The following KDM4C variants were observed in gnomAD, a reference collection of about 807,000 sequenced individuals.
The protein encoded by KDM4C is lysine-specific demethylase 4C.
Under a neutral mutation model 129.3 loss-of-function variants are expected in KDM4C, and 81 were observed. That is an observed-to-expected ratio of 0.63 (90% CI 0.52 to 0.75). KDM4C has a LOEUF of 0.75. KDM4C is among the 30% of genes least tolerant of loss of function. KDM4C has a pLI of 0.00. For synonymous variants in KDM4C, 573 were observed against 456.1 expected (o/e 1.26, Z -3.26); for missense variants, 1,457 against 1,304.0 (o/e 1.12, Z -1.81).
intron 8 of KDM4C, among the ~76,000 whole-genome samples, chr9:6,933,373 C>G (rs928273940): frequency 2.0e-5 from 3 of 152,170 alleles, no homozygotes; most frequent in African/African-American, 4.8e-5. Flanking sequence ...TAGCTATCTA[C>G]TACATGCACT....
At chr9:6,829,849 C>T (rs1466769341) in intron 4 of KDM4C, among the ~76,000 whole-genome samples, 1 of 152,152 alleles carries the variant, frequency 6.6e-6, no homozygotes, top group Non-Finnish European at 1.5e-5. Flanking sequence ...TTTGGGCCTG[C>T]TGTTTTCCAT....
At chr9:6,856,530 C>T (rs894689403) in intron 5 of KDM4C, among the ~76,000 whole-genome samples, 3 of 139,914 alleles carry the variant, frequency 2.1e-5, no homozygotes, top group African/African-American at 8.3e-5. Flanking sequence ...GCATATCTCT[C>T]TCTGTGTGCG....
intron 15 of KDM4C, among the ~76,000 whole-genome samples, chr9:7,017,736 A>T (rs1385294099): frequency 3.3e-5 from 5 of 152,176 alleles, no homozygotes; most frequent in African/African-American, 1.2e-4. Flanking sequence ...CATTTACTTT[A>T]TTCCTCAATG....
Position 7,096,121 on chromosome 9 carries a change from T to G in KDM4C, c.2425-7564T>G, listed in dbSNP as rs962563611. Among the ~76,000 whole-genome samples, 58 of 152,168 alleles carry G rather than the reference T, an allele frequency of 3.8e-4. 1 individual carries two copies. The highest frequency in any genetic ancestry group is 6.2e-4 in the Non-Finnish European group (42 of 68,026). Reference sequence around the variant, plus strand: ...TGTGTGCCCCTTTTGCCCTTTAAATTTGAAATAAAGGATGGAACCCAAACA... The same window carrying G: ...TGTGTGCCCCTTTTGCCCTTTAAATGTGAAATAAAGGATGGAACCCAAACA... On this transcript the variant is annotated intron_variant, in intron 17 of 21. Coordinates refer to ENST00000381309, the MANE Select transcript of KDM4C (RefSeq NM_015061.6).
At chr9:6,744,358 T>C (rs1817807233) in intron 1 of KDM4C, among the ~76,000 whole-genome samples, 1 of 152,068 alleles carries the variant, frequency 6.6e-6, no homozygotes, top group Non-Finnish European at 1.5e-5. Context: ...ACCGCATCTC[T>C]ACTAAAAACT....
chr9:7,031,742 T>A (rs1826823911), intron 15 of KDM4C, among the ~76,000 whole-genome samples: 1 of 152,196 alleles, frequency 6.6e-6, no homozygotes, highest in African/African-American at 2.4e-5. Context: ...GGCATCTGCA[T>A]ATTAAGTAAT....
intron 17 of KDM4C, among the ~76,000 whole-genome samples, chr9:7,073,511 T>A (rs537771829): frequency 3.3e-5 from 5 of 152,228 alleles, no homozygotes; most frequent in Admixed American, 6.5e-5. Flanking sequence ...CTTCCCGATA[T>A]TCTCAGAGGC....
intron 19 of KDM4C, among the ~76,000 whole-genome samples, chr9:7,159,471 G>A (rs184285336): frequency 2.5e-3 from 379 of 152,262 alleles, no homozygotes; most frequent in African/African-American, 8.3e-3. Context: ...GGCTGCTACC[G>A]GTTGTTTCTT....
chr9:6,881,937 A>C (rs1182330346), intron 6 of KDM4C, among the ~76,000 whole-genome samples: 1 of 152,250 alleles, frequency 6.6e-6, no homozygotes, highest in African/African-American at 2.4e-5. Flanking sequence ...CTTGATTCAT[A>C]AAATGAAAAG....
chr9:6,845,978 G>T (rs1442198205), intron 4 of KDM4C, among the ~76,000 whole-genome samples: 1 of 152,224 alleles, frequency 6.6e-6, no homozygotes, highest in African/African-American at 2.4e-5. Context: ...TGTAGCTGGG[G>T]TTTGGAGACT....
chr9:6,755,244 G>A (rs1225114435), upstream of KDM4C, among the ~76,000 whole-genome samples: 2 of 152,174 alleles, frequency 1.3e-5, no homozygotes, highest in South Asian at 2.1e-4. Flanking sequence ...GGTAGCACGC[G>A]CCTGTAGTCC....
chr9:6,890,181 G>A (rs1035890883), intron 7 of KDM4C, among the ~76,000 whole-genome samples: 1 of 152,180 alleles, frequency 6.6e-6, no homozygotes, highest in African/African-American at 2.4e-5. Flanking sequence ...TGATAGGGCA[G>A]CACAATGGTA....
intron 19 of KDM4C, among the ~76,000 whole-genome samples, chr9:7,148,954 C>T (rs1366727478): frequency 6.6e-6 from 1 of 152,226 alleles, no homozygotes; most frequent in Non-Finnish European, 1.5e-5. Flanking sequence ...CCGGAATTGG[C>T]AGCCCAGCCC....
chr9:6,847,609 C>T (rs987775545), intron 4 of KDM4C, among the ~76,000 whole-genome samples: 1 of 152,164 alleles, frequency 6.6e-6, no homozygotes, highest in African/African-American at 2.4e-5. Context: ...CCAGGATGGT[C>T]TCGATCTCCT....
intron 8 of KDM4C, chr9:6,925,449 C>A: frequency 1.2e-6 from 1 of 823,210 alleles, no homozygotes. Context: ...TCCTCTTCCC[C>A]CTTCCCCCTC....
intron 17 of KDM4C, among the ~76,000 whole-genome samples, chr9:7,051,547 A>G (rs1830152227): frequency 6.6e-6 from 1 of 152,214 alleles, no homozygotes; most frequent in African/African-American, 2.4e-5. Flanking sequence ...ATGGTAACCT[A>G]ACAAGTTCAT....
chr9:6,990,617 C>A, intron 12 of KDM4C, 93 bp downstream of exon 12: 1 of 740,884 alleles, frequency 1.3e-6, no homozygotes, highest in South Asian at 1.7e-5. Context: ...AAAAAAAATT[C>A]AACAAGTAGC....
chr9:7,102,531 G>A (rs918715600), intron 17 of KDM4C, among the ~76,000 whole-genome samples: 1 of 152,140 alleles, frequency 6.6e-6, no homozygotes, highest in African/African-American at 2.4e-5. Context: ...GGCGGAGGCA[G>A]TGGCAGTTGG....
At chr9:7,059,463 A>T (rs1164104929) in intron 17 of KDM4C, among the ~76,000 whole-genome samples, 1 of 152,188 alleles carries the variant, frequency 6.6e-6, no homozygotes, top group African/African-American at 2.4e-5. Flanking sequence ...TGGGCAAACT[A>T]TCTGTTACAA....
Sources: allele counts gnomAD v4.1 joint callset (sites outside exome capture counted in the v4.1 genomes callset), GRCh38; gene constraint gnomAD v4.1.1; transcripts MANE v1.5; gene names NCBI Gene and HGNC (gene_info 2026-07-23, HGNC 2026-07-21).